The following HSPG2 variants were observed in gnomAD, a reference collection of about 807,000 sequenced individuals.
HSPG2 encodes basement membrane-specific heparan sulfate proteoglycan core protein.
HSPG2 carries 278 observed loss-of-function variants against 526.6 expected under a neutral mutation model. The ratio of observed to expected loss-of-function variants is 0.53; its 90% CI spans 0.48 to 0.58. The LOEUF (loss-of-function observed/expected upper bound fraction) is 0.58, where lower values mean the gene tolerates loss of function less well. Among genes scored for constraint, HSPG2 ranks in the 20% least tolerant of loss-of-function variants. The probability of loss-of-function intolerance (pLI) is 0.00; values close to 1 mark genes in which losing one functional copy is unlikely to be tolerated. For synonymous variants in HSPG2, 2,465 were observed against 2,555.4 expected (o/e 0.96, Z 1.07); for missense variants, 5,354 against 6,099.5 (o/e 0.88, Z 4.07).
chr1:21,859,729 C>G lies in HSPG2; in HGVS notation c.5183-53G>C. ...GGTGCAGATACACTCTTTCTCACAT[C>G]CAGCCCCATGCACAAGGACAGCATC... On this transcript the variant is annotated intron_variant, in intron 41 of 96. Transcript: ENST00000374695. The surrounding 1 kb of genome is among the most constrained non-coding windows in gnomAD (Gnocchi z 5.3). 26 of 1,583,078 alleles carry G rather than the reference C, an allele frequency of 1.6e-5. No individual in the cohort carries two copies. The highest frequency in any genetic ancestry group is 2.2e-5 in the Non-Finnish European group (26 of 1,162,858).
rs1209041099 is a variant in HSPG2, at chr1:21,828,544, G to A, written c.12238-118C>T. ...GGGAGCCCACATTGGGCCCTGAGTG[G>A]TAGCATGGATTCTCGGTGTGGGGAG... On this transcript the variant is annotated intron_variant, in intron 88 of 96. Transcript: ENST00000374695. The surrounding 1 kb of genome is among the most constrained non-coding windows in gnomAD (Gnocchi z 6.0). The A allele has an allele frequency of 1.8e-6, 2 of 1,106,592 alleles. No homozygotes were observed. Among genetic ancestry groups the A allele is most frequent in the Non-Finnish European group, 2.6e-6 (2 of 757,418 alleles). 68.5% of individuals were successfully genotyped at this position (1,106,592 alleles called of 1,614,324 possible).
At chr1:21,905,202 C>CAA (rs1442670697) in intron 1 of HSPG2, among the ~76,000 whole-genome samples, 5 of 148,212 alleles carry the variant, frequency 3.4e-5, no homozygotes, top group Non-Finnish European at 4.5e-5. Context: ...CACACACACA[C>CAA]AATCATGGTC....
At chr1:21,834,536 GAAACCTGCCCCTTA>G (rs1430677389) in intron 77 of HSPG2, 129 bp downstream of exon 77, 1 of 1,013,134 alleles carries the variant, frequency 9.9e-7, no homozygotes, top group Admixed American at 2.1e-5. Flanking sequence ...CACCTGTTAT[GAAACCTGCCCCTTA>G]AACACACACA....
chr1:21,860,528 G>C (rs1246159007), intron 39 of HSPG2, among the ~76,000 whole-genome samples: 1 of 151,918 alleles, frequency 6.6e-6, no homozygotes, highest in Non-Finnish European at 1.5e-5. Context: ...TTCTCGCTCT[G>C]TCACCCAGGC....
chr1:21,844,609 T>C (rs1364440576), intron 64 of HSPG2, among the ~76,000 whole-genome samples: 8 of 152,214 alleles, frequency 5.3e-5, no homozygotes, highest in South Asian at 2.1e-4. Flanking sequence ...CAGACTCAGA[T>C]AGAATGTGGC....
chr1:21,892,253 T>C (rs994589230), intron 3 of HSPG2, among the ~76,000 whole-genome samples: 7 of 152,242 alleles, frequency 4.6e-5, no homozygotes, highest in African/African-American at 1.7e-4. Context: ...GTGGGGGCCA[T>C]GGCTCAGCCA....
In HSPG2 at chr1:21,841,179, A is replaced by G. The variant is rs779491085; in HGVS notation, c.9435T>C (p.Arg3145=). 1.2e-6 allele frequency: 2 copies of G among 1,613,864 alleles called. No homozygotes were observed. Among genetic ancestry groups the G allele is most frequent in the East Asian group, 2.2e-5 (1 of 44,886 alleles). Residue 3145 remains arginine, a synonymous_variant, in exon 71 of 97, where the codon CGT becomes CGC. Transcript: ENST00000374695. ...CAGGGGTGCTGCTGATCCGGGTCCAACGAGCAGAGGAGCGGGGCTCCCCGG... is the reference window on the plus strand; with the variant it reads ...CAGGGGTGCTGCTGATCCGGGTCCAGCGAGCAGAGGAGCGGGGCTCCCCGG... ...VSAGEPRSSA[R]WTRISSTPAK...
At position 21,864,266 on chromosome 1, in the gene HSPG2, C is replaced by T; in HGVS notation, c.4627-53G>A. On this transcript the variant is annotated intron_variant, in intron 36 of 96. Transcript: ENST00000374695. The surrounding 1 kb of genome is among the most constrained non-coding windows in gnomAD (Gnocchi z 4.8). ...TGTTCCCAACGTGCCCCACCCACAG[C>T]CAGCAGACCCAGAACCCCTCCCTCC... 5 of 1,409,148 alleles carry T rather than the reference C, an allele frequency of 3.5e-6. No homozygotes were observed. In the South Asian group the frequency reaches 6.2e-5, roughly 17 times the overall value. The allele number at this position is 1,409,148 out of a possible 1,614,324, so 87.3% of individuals were successfully genotyped here. A position where few individuals can be genotyped will look rare whatever the true frequency, so the allele number is the denominator to read the frequency against.
chr1:21,867,120 C>CTT (rs3077631), intron 33 of HSPG2, among the ~76,000 whole-genome samples: 35,309 of 123,202 alleles, frequency 0.29, 6,923 homozygotes, highest in East Asian at 0.45. Context: ...TGCTCAGGCA[C>CTT]TTTTTTTTTT....
At chr1:21,868,895 A>C (rs1296045517) in intron 33 of HSPG2, 3 of 976,288 alleles carry the variant, frequency 3.1e-6, no homozygotes, top group African/African-American at 1.8e-5. Context: ...CTTGTCCCCC[A>C]GGAAGGCCCG....
At position 21,851,944 on chromosome 1, in the gene HSPG2, G is replaced by T; in HGVS notation, c.6871-18C>A. ...CCACGAACCTGGGCAGCCGTGGGCA[G>T]AGGTGTGAGGGGGGCTTCCCGGAGG... On this transcript the variant is annotated intron_variant, in intron 53 of 96. Transcript: ENST00000374695. 1 of 1,603,676 alleles carries T rather than the reference G, an allele frequency of 6.2e-7. No individual in the cohort carries two copies. Among genetic ancestry groups the T allele is most frequent in the Non-Finnish European group, 8.5e-7 (1 of 1,175,556 alleles).
At chr1:21,838,384 G>T (rs1340318794) in intron 74 of HSPG2, among the ~76,000 whole-genome samples, 1 of 152,194 alleles carries the variant, frequency 6.6e-6, no homozygotes, top group Non-Finnish European at 1.5e-5. Flanking sequence ...CTGAAGCCCT[G>T]GGCGTGCTGG....
Position 21,911,670 on chromosome 1 carries a change from G to A in HSPG2, c.64-15360C>T, listed in dbSNP as rs539817531. The stretch of plus-strand genomic sequence containing the variant: ...GCCTGGCCTGCTCCAGGGCCCCCGT[G>A]GGGAGGTGCAGGGCCGGGAGGGAGG... On this transcript the variant is annotated intron_variant, in intron 1 of 96. Transcript: ENST00000374695. 8.5e-5 allele frequency among the ~76,000 whole-genome samples: 13 copies of A among 152,322 alleles called. No homozygotes were observed. The East Asian group carries it at 2.5e-3, about 29-fold the overall frequency.
chr1:21,876,081 A>C (rs1388804231), intron 23 of HSPG2, 39 bp from the exon 24 acceptor site: 1 of 1,609,778 alleles, frequency 6.2e-7, no homozygotes, highest in East Asian at 2.2e-5. Flanking sequence ...GGAGGCCTGA[A>C]TTCGGGCCCT....
rs147114700 is a variant in HSPG2 at position 21,844,219 on chromosome 1, C to G, written c.8545G>C (p.Val2849Leu). Residue 2849 changes from valine (V) to leucine (L), a missense_variant, in exon 65 of 97, where the codon GTG (valine) becomes CTG (leucine). By Grantham distance (32) the Val-to-Leu change is conservative. Coordinates refer to ENST00000374695, the MANE Select transcript of HSPG2 (RefSeq NM_005529.7). ...AEGQTLDLKC[V>L]VPGQAHAQVT... ...TGGGCGTGGGCCTGCCCGGGCACCACGCACTTCAGATCCAGGGTCTGCCCT... is the reference window on the plus strand; with the variant it reads ...TGGGCGTGGGCCTGCCCGGGCACCAGGCACTTCAGATCCAGGGTCTGCCCT... 6.2e-7 allele frequency: 1 copy of G among 1,613,842 alleles called. No individual in the cohort carries two copies. Among genetic ancestry groups the G allele is most frequent in the East Asian group, 2.2e-5 (1 of 44,888 alleles).
intron 1 of HSPG2, among the ~76,000 whole-genome samples, chr1:21,919,066 T>G (rs545069671): frequency 6.6e-6 from 1 of 152,310 alleles, no homozygotes; most frequent in Admixed American, 6.5e-5. Flanking sequence ...TGGAATGACT[T>G]TGGGGAAATG....
chr1:21,832,651 C>T (rs760107405), intron 80 of HSPG2, 45 bp from the exon 81 acceptor site: 10 of 1,438,396 alleles, frequency 7.0e-6, no homozygotes, highest in African/African-American at 1.4e-5. Context: ...CAGCCACAGG[C>T]TCCCTGTCCT....
chr1:21,861,318 C>T (rs1334161618), intron 39 of HSPG2, among the ~76,000 whole-genome samples: 1 of 152,032 alleles, frequency 6.6e-6, no homozygotes, highest in Non-Finnish European at 1.5e-5. Flanking sequence ...GGGGTGAAGA[C>T]TGTTCCATGC....
intron 81 of HSPG2, among the ~76,000 whole-genome samples, chr1:21,832,226 T>C (rs1264705825): frequency 6.6e-6 from 1 of 152,082 alleles, no homozygotes; most frequent in Non-Finnish European, 1.5e-5. Context: ...ACACATGGGG[T>C]GGTCAGCAAA....
Sources: gnomAD v4.1 joint callset for allele counts (sites outside exome capture counted in the v4.1 genomes callset) on GRCh38, gnomAD v4.1.1 for gene constraint, Gnocchi (gnomAD v3.1) non-coding constraint, MANE v1.5 for transcripts, NCBI Gene and HGNC (gene_info 2026-07-23, HGNC 2026-07-21) for gene names.